Variants in NAB2 observed in about 807,000 individuals in gnomAD.
NAB2 encodes the protein NGFI-A binding protein 2.
A neutral mutation model predicts 44.2 loss-of-function variants in NAB2; 9 were observed. The ratio of observed to expected loss-of-function variants is 0.20; its 90% CI spans 0.12 to 0.36. The LOEUF (loss-of-function observed/expected upper bound fraction) is 0.36. Ranked by LOEUF, NAB2 falls within the 10% of genes least tolerant of loss-of-function variation. The pLI is 1.00. For synonymous variants in NAB2, 342 were observed against 291.0 expected (o/e 1.18, Z -1.78); for missense variants, 514 against 709.0 (o/e 0.73, Z 3.12).
Position 57,091,053 on chromosome 12 carries a change from T to C in NAB2, c.84-72T>C, listed in dbSNP as rs1565672878. 8 of 1,261,824 alleles carry C rather than the reference T, an allele frequency of 6.3e-6. No individual in the cohort carries two copies. The allele number at this position is 1,261,824 out of a possible 1,614,324, so 78.2% of individuals were successfully genotyped here. ...AAAGCAGGCAGGAAAGAGGGAACAA[T>C]TGTTAGTGTGGGTTGGTACCCAGTA... On this transcript the variant is annotated intron_variant, in intron 1 of 6. Coordinates refer to ENST00000300131, the MANE Select transcript of NAB2 (RefSeq NM_005967.4). This position sits in a 1 kb window ranked among gnomAD's most constrained non-coding sequence, Gnocchi z 7.3.
rs1326168606 is a variant in NAB2 at position 57,091,013 on chromosome 12, T to C, written c.84-112T>C. 6.4e-6 allele frequency: 6 copies of C among 940,700 alleles called. No individual in the cohort carries two copies. The East Asian group carries it at 1.5e-4, about 23-fold the overall frequency. The allele number at this position is 940,700 out of a possible 1,614,324, so 58.3% of individuals were successfully genotyped here. A position where few individuals can be genotyped will look rare whatever the true frequency, so the allele number is the denominator to read the frequency against. Reference sequence around the variant, plus strand: ...GGCACTGGGCAGGATAGCATCCAAATGAGGGAGGGGAAGAAAAGCAGGCAG... The same window carrying C: ...GGCACTGGGCAGGATAGCATCCAAACGAGGGAGGGGAAGAAAAGCAGGCAG... On this transcript the variant is annotated intron_variant, in intron 1 of 6. Transcript: ENST00000300131. This position sits in a 1 kb window ranked among gnomAD's most constrained non-coding sequence, Gnocchi z 7.3.
In NAB2 at chr12:57,089,250, C is replaced by T. The variant is rs760898367; in HGVS notation, c.-22C>T. 3.8e-6 allele frequency: 6 copies of T among 1,562,332 alleles called. No individual in the cohort carries two copies. The highest frequency in any genetic ancestry group is 2.4e-5 in the East Asian group (1 of 42,370). On this transcript the variant is annotated 5_prime_UTR_variant, in exon 1 of 7. Coordinates refer to ENST00000300131, the MANE Select transcript of NAB2 (RefSeq NM_005967.4). ...GAGCGCCGGGCACCGAGAAGGGCAGCCCGGGTGATCTCCGGCCGTCCATGC... is the reference window on the plus strand; with the variant it reads ...GAGCGCCGGGCACCGAGAAGGGCAGTCCGGGTGATCTCCGGCCGTCCATGC...
intron 3 of NAB2, 124 bp from the exon 4 acceptor site, chr12:57,092,793 C>G (rs2033219614): frequency 7.2e-7 from 1 of 1,394,458 alleles, no homozygotes; most frequent in African/African-American, 1.4e-5. Flanking sequence ...GAACTAGAGA[C>G]TCTTTCTCGG....
Position 57,093,136 on chromosome 12 carries a change from C to T in NAB2, c.1217C>T (p.Pro406Leu), listed in dbSNP as rs1417506015. The change falls in exon 5 of 7, where the codon CCC becomes CTC. Residue 406 changes from proline (P) to leucine (L), a missense_variant. By Grantham distance (98) the Pro-to-Leu change is moderately conservative. Coordinates refer to ENST00000300131, the MANE Select transcript of NAB2 (RefSeq NM_005967.4). Reference protein sequence around the residue: ...GPESYVPPYRPSLEEDSASLS... With the variant: ...GPESYVPPYRLSLEEDSASLS... ...GAGTCCTATGTACCCCCATACCGCC[C>T]CAGCCTGGAGGAGGACAGCGCCAGC... 5 of 1,613,670 alleles carry T rather than the reference C, an allele frequency of 3.1e-6. No homozygotes were observed. The highest frequency in any genetic ancestry group is 4.2e-6 in the Non-Finnish European group (5 of 1,179,826).
rs760703430 is a variant in NAB2, at chr12:57,089,324, G to A, written c.53G>A (p.Ser18Asn). 8.9e-6 allele frequency: 14 copies of A among 1,576,792 alleles called. No individual in the cohort carries two copies. Among genetic ancestry groups the A allele is most frequent in the Non-Finnish European group, 1.1e-5 (13 of 1,161,658 alleles). The change falls in exon 1 of 7, where the codon AGC (serine) becomes AAC (asparagine). Residue 18 changes from serine (S) to asparagine (N), a missense_variant. Transcript: ENST00000300131. ...GAGCAGCCGCCGGGCGGAGGGGACAGCGCCCGCCGGACCCTGCAGCCCAGA... is the reference window on the plus strand; with the variant it reads ...GAGCAGCCGCCGGGCGGAGGGGACAACGCCCGCCGGACCCTGCAGCCCAGA... The part of the protein sequence containing the change: ...TAEQPPGGGD[S>N]ARRTLQPRLK...
chr12:57,090,466 G>A (rs367872187), intron 1 of NAB2, among the ~76,000 whole-genome samples: 43 of 151,526 alleles, frequency 2.8e-4, no homozygotes, highest in African/African-American at 9.7e-4. Flanking sequence ...GACAGAGCGA[G>A]ACTCCGTCTC....
At chr12:57,090,243 T>C (rs570975862) in intron 1 of NAB2, among the ~76,000 whole-genome samples, 1 of 152,260 alleles carries the variant, frequency 6.6e-6, no homozygotes, top group Non-Finnish European at 1.5e-5. Context: ...CCCAGCACTT[T>C]GGGAGGCTGA....
At position 57,091,477 on chromosome 12, in the gene NAB2, G is replaced by C; in HGVS notation, c.436G>C (p.Gly146Arg). 1 of 1,614,208 alleles carries C rather than the reference G, an allele frequency of 6.2e-7. No individual in the cohort carries two copies. The highest frequency in any genetic ancestry group is 8.5e-7 in the Non-Finnish European group (1 of 1,180,052). Residue 146 changes from glycine (G) to arginine (R), a missense_variant, in exon 2 of 7, where the codon GGC (glycine) becomes CGC (arginine). By Grantham distance (125) the Gly-to-Arg change is moderately radical. This residue lies in a region of NAB2 where 177 missense variants were observed against 200.5 expected (regional missense o/e 0.88). Transcript: ENST00000300131. This position sits in a 1 kb window ranked among gnomAD's most constrained non-coding sequence, Gnocchi z 7.3. ...TRKGSMSNGH[G>R]SPGEKAGSAR... is the part of the protein sequence containing the mutation. ...GAAAGGGAGCATGAGCAATGGGCAT[G>C]GCAGCCCAGGGGAAAAGGCAGGCAG...
intron 6 of NAB2, among the ~76,000 whole-genome samples, chr12:57,093,888 G>A (rs2033261263): frequency 6.6e-6 from 1 of 152,162 alleles, no homozygotes; most frequent in African/African-American, 2.4e-5. Flanking sequence ...ATCAATAAGG[G>A]AAGCTCAGAT....
intron 1 of NAB2, among the ~76,000 whole-genome samples, chr12:57,089,951 G>C (rs2033147064): frequency 6.6e-6 from 1 of 152,186 alleles, no homozygotes; most frequent in African/African-American, 2.4e-5. Flanking sequence ...AGGAGAGTAG[G>C]CGGGAGCCCC....
At position 57,089,331 on chromosome 12, in the gene NAB2, C is replaced by T. The variant is rs1445864488; in HGVS notation, c.60C>T (p.Arg20=). The change falls in exon 1 of 7, where the codon CGC becomes CGT. Residue 20 remains arginine, a synonymous_variant. Coordinates refer to ENST00000300131, the MANE Select transcript of NAB2 (RefSeq NM_005967.4). ...EQPPGGGDSA[R]RTLQPRLKPS... is the part of the protein sequence containing the mutation. ...CGCCGGGCGGAGGGGACAGCGCCCG[C>T]CGGACCCTGCAGCCCAGACTCAAGT... The T allele has an allele frequency of 1.3e-6, 2 of 1,575,562 alleles. No individual in the cohort carries two copies. The highest frequency in any genetic ancestry group is 1.9e-5 in the Admixed American group (1 of 53,802).
chr12:57,092,647 C>T (rs1008216762), intron 3 of NAB2, 66 bp downstream of exon 3: 2 of 1,580,004 alleles, frequency 1.3e-6, no homozygotes, highest in Non-Finnish European at 1.7e-6. Context: ...CATGTCCTAA[C>T]CTTCAGCTCA....
chr12:57,092,256 C>G (rs917991201), intron 2 of NAB2, 192 bp from the exon 3 acceptor site: 23 of 1,017,434 alleles, frequency 2.3e-5, no homozygotes, highest in Middle Eastern at 3.3e-4. Context: ...GAGGAGGCCC[C>G]GGGCATTCCT....
Position 57,089,195 on chromosome 12 carries a change from C to T in NAB2, c.-77C>T. 1 of 1,426,194 alleles carries T rather than the reference C, an allele frequency of 7.0e-7. No individual in the cohort carries two copies. Among genetic ancestry groups the T allele is most frequent in the East Asian group, 2.5e-5 (1 of 40,278 alleles). The allele number at this position is 1,426,194 out of a possible 1,614,324, so 88.3% of individuals were successfully genotyped here. A position where few individuals can be genotyped will look rare whatever the true frequency, so the allele number is the denominator to read the frequency against. ...ACAGCGGTGGACACGGCATCGTGCG[C>T]GGGGAAGAGGGCAGCACGCAGCAGG... On this transcript the variant is annotated 5_prime_UTR_variant, in exon 1 of 7. Coordinates refer to ENST00000300131, the MANE Select transcript of NAB2 (RefSeq NM_005967.4).
chr12:57,092,085 T>C (rs2033202011), intron 2 of NAB2, 87 bp downstream of exon 2: 2 of 1,500,488 alleles, frequency 1.3e-6, no homozygotes, highest in East Asian at 4.6e-5. Flanking sequence ...TCTCCGACTA[T>C]CTTTCATTAT....
Position 57,091,895 on chromosome 12 carries a change from A to G in NAB2, c.854A>G (p.Asp285Gly), listed in dbSNP as rs766433018. The G allele has an allele frequency of 6.2e-7, 1 of 1,614,190 alleles. No homozygotes were observed. The highest frequency in any genetic ancestry group is 1.7e-5 in the Admixed American group (1 of 60,028). The change falls in exon 2 of 7, where the codon GAT becomes GGT. Residue 285 changes from aspartate to glycine, a missense_variant. This residue lies in a region of NAB2 where 53 missense variants were observed against 108.5 expected (regional missense o/e 0.49). Transcript: ENST00000300131. This position sits in a 1 kb window ranked among gnomAD's most constrained non-coding sequence, Gnocchi z 7.3. Reference sequence around the variant, plus strand: ...AGCGTTGGGCACATCTTTGAGATGGATGATAATGACAGCCAGAAGGAAGAG... The same window carrying G: ...AGCGTTGGGCACATCTTTGAGATGGGTGATAATGACAGCCAGAAGGAAGAG... ...ARSVGHIFEM[D>G]DNDSQKEEEI... is the part of the protein sequence containing the mutation.
intron 6 of NAB2, among the ~76,000 whole-genome samples, chr12:57,094,133 C>T (rs1256683562): frequency 8.1e-6 from 1 of 123,846 alleles, no homozygotes; most frequent in South Asian, 2.9e-4. Flanking sequence ...GAAGTGGGGG[C>T]GGGGACTGGA....
At position 57,093,614 on chromosome 12, in the gene NAB2, G is replaced by A; in HGVS notation, c.1468+16G>A. The A allele has an allele frequency of 2.0e-6, 3 of 1,483,088 alleles. 1 individual carries two copies. Among genetic ancestry groups the A allele is most frequent in the Non-Finnish European group, 9.0e-7 (1 of 1,116,458 alleles). 91.9% of individuals were successfully genotyped at this position (1,483,088 alleles called of 1,614,324 possible). A position where few individuals can be genotyped will look rare whatever the true frequency, so the allele number is the denominator to read the frequency against. ...CCTCTCGCAGGTGAGGCAGCCAGCA[G>A]TGCTGTCCCCAAGCACCCCGGCCAC... is the stretch of plus-strand genomic sequence containing the variant. On this transcript the variant is annotated intron_variant, in intron 6 of 6. Transcript: ENST00000300131.
At chr12:57,089,644 A>T (rs1183213826) in intron 1 of NAB2, among the ~76,000 whole-genome samples, 2 of 151,524 alleles carry the variant, frequency 1.3e-5, no homozygotes, top group Admixed American at 6.6e-5. Flanking sequence ...GCCTCCAAGC[A>T]CCAGGGGATG....
Sources: gnomAD v4.1 joint callset for allele counts (sites outside exome capture counted in the v4.1 genomes callset) on GRCh38, gnomAD v4.1.1 for gene constraint, gnomAD v4.1.1 regional missense constraint, Gnocchi (gnomAD v3.1) non-coding constraint, MANE v1.5 for transcripts, NCBI Gene and HGNC (gene_info 2026-07-23, HGNC 2026-07-21) for gene names.